The following GATB variants were observed in gnomAD, a reference collection of about 807,000 sequenced individuals.
GATB encodes the protein glutamyl-tRNA(Gln) amidotransferase subunit B, mitochondrial.
A neutral mutation model predicts 62.3 loss-of-function variants in GATB; 39 were observed. The ratio of observed to expected loss-of-function variants is 0.63; its 90% CI spans 0.48 to 0.82. The LOEUF is 0.82. Ranked by LOEUF, GATB falls within the 40% of genes least tolerant of loss-of-function variation. The probability of loss-of-function intolerance (pLI) is 0.00; values close to 1 mark genes in which losing one functional copy is unlikely to be tolerated. For synonymous variants in GATB, 276 were observed against 258.9 expected (o/e 1.07, Z -0.63); for missense variants, 670 against 684.0 (o/e 0.98, Z 0.23).
chr4:151,731,446 G>A (rs1352073306), intron 2 of GATB, among the ~76,000 whole-genome samples: 1 of 152,196 alleles, frequency 6.6e-6, no homozygotes, highest in East Asian at 1.9e-4. Flanking sequence ...GAGTGCAGTG[G>A]CGTGATCTCG....
chr4:151,692,739 C>A (rs920208290), intron 9 of GATB, among the ~76,000 whole-genome samples: 1 of 152,222 alleles, frequency 6.6e-6, no homozygotes, highest in South Asian at 2.1e-4. Flanking sequence ...TGCGAGCACA[C>A]CCAGACCTGG....
At chr4:151,716,771 ACTG>A in intron 4 of GATB, 102 bp downstream of exon 4, 2 of 1,029,640 alleles carry the variant, frequency 1.9e-6, no homozygotes, top group African/African-American at 3.2e-5. Context: ...GGCTCCTGTG[ACTG>A]CTTTCTCAAT....
chr4:151,716,610 T>C (rs1207394277), intron 4 of GATB, among the ~76,000 whole-genome samples: 2 of 152,206 alleles, frequency 1.3e-5, no homozygotes, highest in Non-Finnish European at 2.9e-5. Context: ...AATGACTGCT[T>C]AAAATATCCA....
intron 2 of GATB, among the ~76,000 whole-genome samples, chr4:151,739,654 A>G (rs773578481): frequency 6.6e-6 from 1 of 152,190 alleles, no homozygotes; most frequent in African/African-American, 2.4e-5. Flanking sequence ...ATGCCCAGAC[A>G]TGATGTGACA....
rs190136549 is a variant in GATB, at chr4:151,748,002, T to G, written c.327+10770A>C. On this transcript the variant is annotated intron_variant, in intron 2 of 12. Coordinates refer to ENST00000263985, the MANE Select transcript of GATB (RefSeq NM_004564.3). The stretch of plus-strand genomic sequence containing the variant: ...AGGAGAACTACAAATCACTGCTCAA[T>G]GAAATAAAAGAGGACATAAACAAAT... 9.2e-5 allele frequency among the ~76,000 whole-genome samples: 14 copies of G among 152,176 alleles called. No homozygotes were observed. The East Asian group carries it at 2.7e-3, about 29-fold the overall frequency.
rs1237888781 is a variant in GATB at position 151,671,174 on chromosome 4, TCA to T, written c.1672_1673del (p.Ter558ArgfsTer24). 1 of 1,614,066 alleles carries T rather than the reference TCA, an allele frequency of 6.2e-7. No homozygotes were observed. The highest frequency in any genetic ancestry group is 1.3e-5 in the African/African-American group (1 of 74,924). ...KEILEKKLSL[*>X] ...CTTGGGCAAGGGGATCCCAAACATCTCACAATGACAGCTTCTTCTCCAGGATC... is the reference window on the plus strand; with the variant it reads ...CTTGGGCAAGGGGATCCCAAACATCTCAATGACAGCTTCTTCTCCAGGATC... On this transcript the variant is annotated frameshift_variant and stop_lost, in exon 13 of 13. Transcript: ENST00000263985. LOFTEE classifies it high-confidence loss of function.
intron 2 of GATB, among the ~76,000 whole-genome samples, chr4:151,748,319 T>C (rs534359243): frequency 5.3e-5 from 8 of 152,228 alleles, no homozygotes; most frequent in East Asian, 1.9e-4. Flanking sequence ...AACAGAGATA[T>C]AGACCAATGG....
chr4:151,717,152 A>G (rs1738930707), intron 3 of GATB, 78 bp from the exon 4 acceptor site: 2 of 1,359,594 alleles, frequency 1.5e-6, no homozygotes, highest in Middle Eastern at 2.3e-4. Context: ...CCCTTTTACA[A>G]TGTCACACAA....
rs771832840 is a variant in GATB, at chr4:151,716,920, T to C, written c.596A>G (p.His199Arg). The change falls in exon 4 of 13, where the codon CAC becomes CGC. Residue 199 changes from histidine (H) to arginine (R), a missense_variant. His to Arg is a conservative substitution (Grantham distance 29, BLOSUM62 0). Transcript: ENST00000263985. ...QLEQDSGKSL[H>R]DNLRSQTLID... ...GAGCGTCTGAGACCTCAGGTTGTCG[T>C]GGAGGCTTTTGCCACTGTCTTGCTC... 1 of 1,614,230 alleles carries C rather than the reference T, an allele frequency of 6.2e-7. No individual in the cohort carries two copies. The highest frequency in any genetic ancestry group is 8.5e-7 in the Non-Finnish European group (1 of 1,180,048).
intron 5 of GATB, among the ~76,000 whole-genome samples, chr4:151,712,808 A>C (rs1373012237): frequency 6.6e-6 from 1 of 152,224 alleles, no homozygotes; most frequent in East Asian, 1.9e-4. Flanking sequence ...TCTAGACATT[A>C]GTACATTCAT....
Position 151,683,795 on chromosome 4 carries a change from A to G in GATB, c.1332-3904T>C, listed in dbSNP as rs540316151. The stretch of plus-strand genomic sequence containing the variant: ...CTATAGTTTCCCAATCCTTATCCTA[A>G]GCCAAACTTGTCTTCCTCACAGACC... On this transcript the variant is annotated intron_variant, in intron 10 of 12. Transcript: ENST00000263985. Among the ~76,000 whole-genome samples, 194 of 152,310 alleles carry G rather than the reference A, an allele frequency of 1.3e-3. 1 individual carries two copies. The highest frequency in any genetic ancestry group is 4.4e-3 in the African/African-American group (184 of 41,566).
Position 151,722,218 on chromosome 4 carries a change from G to GA in GATB, c.328-2681dup, listed in dbSNP as rs755480310. 473 of 660,744 alleles carry GA rather than the reference G, an allele frequency of 7.2e-4. 1 individual carries two copies. Among genetic ancestry groups the GA allele is most frequent in the East Asian group, 1.9e-3 (67 of 34,916 alleles). 40.9% of individuals were successfully genotyped at this position (660,744 alleles called of 1,614,324 possible). A position where few individuals can be genotyped will look rare whatever the true frequency, so the allele number is the denominator to read the frequency against. On this transcript the variant is annotated intron_variant, in intron 2 of 12. Transcript: ENST00000263985. ...ATTCAACTTGGGCTGTCTTCACTCT[G>GA]AAAAAAAAAATTCTTAAATGTCTAT...
chr4:151,741,038 C>T (rs909511431), intron 2 of GATB, among the ~76,000 whole-genome samples: 1 of 152,130 alleles, frequency 6.6e-6, no homozygotes, highest in African/African-American at 2.4e-5. Flanking sequence ...CTTTCCAGTA[C>T]AGGAGTGCCC....
intron 9 of GATB, among the ~76,000 whole-genome samples, chr4:151,696,689 G>A (rs1738476424): frequency 1.3e-5 from 2 of 152,232 alleles, no homozygotes; most frequent in African/African-American, 4.8e-5. Flanking sequence ...GTGAATTGCA[G>A]AGCATGCTAG....
At chr4:151,688,186 C>G (rs1431232226) in intron 10 of GATB, among the ~76,000 whole-genome samples, 1 of 152,152 alleles carries the variant, frequency 6.6e-6, no homozygotes, top group Non-Finnish European at 1.5e-5. Context: ...GCGACTCTCC[C>G]CTAATGCTTC....
intron 2 of GATB, chr4:151,722,631 G>A (rs926907183): frequency 5.8e-6 from 1 of 173,044 alleles, no homozygotes; most frequent in Non-Finnish European, 1.2e-5. Flanking sequence ...CTTCCTTGTT[G>A]TCCTTTCTGT....
At chr4:151,722,652 T>G (rs937995998) in intron 2 of GATB, 8 of 167,942 alleles carry the variant, frequency 4.8e-5, no homozygotes, top group African/African-American at 1.9e-4. Context: ...GTACCTCTTC[T>G]GACCTTCTAC....
chr4:151,687,335 C>G (rs1004205290), intron 10 of GATB, among the ~76,000 whole-genome samples: 1 of 152,224 alleles, frequency 6.6e-6, no homozygotes, highest in Non-Finnish European at 1.5e-5. Context: ...TCCCTCACCC[C>G]CGGCCTATAA....
At chr4:151,722,154 A>G (rs1739044519) in intron 2 of GATB, 3 of 698,622 alleles carry the variant, frequency 4.3e-6, no homozygotes, top group Non-Finnish European at 7.8e-6. Flanking sequence ...ATGGAAGTCC[A>G]GGTCAGCATG....
Sources: allele counts gnomAD v4.1 joint callset (sites outside exome capture counted in the v4.1 genomes callset), GRCh38; gene constraint gnomAD v4.1.1; transcripts MANE v1.5; gene names NCBI Gene and HGNC (gene_info 2026-07-23, HGNC 2026-07-21).